Variants in SBF2 observed in about 807,000 individuals in gnomAD.
The protein encoded by SBF2 is myotubularin-related protein 13.
SBF2 carries 112 observed loss-of-function variants against 225.2 expected under a neutral mutation model. The ratio of observed to expected loss-of-function variants is 0.50; its 90% CI spans 0.43 to 0.58. The LOEUF (loss-of-function observed/expected upper bound fraction) is 0.58. Ranked by LOEUF, SBF2 falls within the 20% of genes least tolerant of loss-of-function variation. The probability of loss-of-function intolerance (pLI) is 0.00; values close to 1 mark genes in which losing one functional copy is unlikely to be tolerated. For missense variants in SBF2, 1,996 were observed against 2,206.2 expected, an observed-to-expected ratio of 0.90 and a Z score of 1.91; for synonymous variants, 763 against 773.3, an observed-to-expected ratio of 0.99 and a Z score of 0.22.
At chr11:10,255,174 T>C (rs565222328) in intron 1 of SBF2, among the ~76,000 whole-genome samples, 2 of 152,112 alleles carry the variant, frequency 1.3e-5, no homozygotes, top group East Asian at 1.9e-4. Context: ...TTGTATGTCA[T>C]GGGGACTATA....
chr11:10,279,891 C>T (rs761480736), intron 1 of SBF2, among the ~76,000 whole-genome samples: 4 of 152,154 alleles, frequency 2.6e-5, no homozygotes, highest in African/African-American at 7.2e-5. Flanking sequence ...CCTCATGATC[C>T]GCCCACCTCG....
chr11:9,858,571 G>T (rs1176394237), intron 17 of SBF2, among the ~76,000 whole-genome samples, 175 bp from the exon 18 acceptor site: 1 of 152,166 alleles, frequency 6.6e-6, no homozygotes, highest in East Asian at 1.9e-4. Context: ...GCAACTGTGG[G>T]CTTGCTGTTG....
chr11:9,868,617 A>AT (rs1473877977), intron 17 of SBF2, among the ~76,000 whole-genome samples: 2 of 152,226 alleles, frequency 1.3e-5, no homozygotes, highest in African/African-American at 4.8e-5. Flanking sequence ...TTAAGGTCAA[A>AT]TAAGGTCTAC....
At chr11:10,173,481 T>C (rs1341447355) in intron 2 of SBF2, among the ~76,000 whole-genome samples, 1 of 152,206 alleles carries the variant, frequency 6.6e-6, no homozygotes, top group East Asian at 1.9e-4. Flanking sequence ...ACCAGGAGAT[T>C]ATATCCCCCA....
chr11:10,013,557 GA>G (rs1948534088), intron 6 of SBF2, among the ~76,000 whole-genome samples: 1 of 152,210 alleles, frequency 6.6e-6, no homozygotes, highest in South Asian at 2.1e-4. Context: ...TTCTTTGGGG[GA>G]AAGGATTTGC....
chr11:10,074,341 T>C (rs556960417), intron 2 of SBF2, among the ~76,000 whole-genome samples: 6 of 152,240 alleles, frequency 3.9e-5, no homozygotes, highest in Admixed American at 3.9e-4. Flanking sequence ...ACCAAAAACA[T>C]AGATGTTGAA....
At chr11:9,983,410 A>G (rs1439463003) in intron 13 of SBF2, among the ~76,000 whole-genome samples, 1 of 152,118 alleles carries the variant, frequency 6.6e-6, no homozygotes, top group Non-Finnish European at 1.5e-5. Flanking sequence ...CATCCCCCAC[A>G]GCAGCTACAT....
At chr11:10,061,589 A>G (rs932657922) in intron 2 of SBF2, among the ~76,000 whole-genome samples, 3 of 152,208 alleles carry the variant, frequency 2.0e-5, no homozygotes, top group African/African-American at 4.8e-5. Context: ...CCCATTCACA[A>G]TTCCCACACA....
At chr11:9,795,714 T>C (rs1853081255) in intron 33 of SBF2, 117 bp downstream of exon 33, 1 of 1,274,928 alleles carries the variant, frequency 7.8e-7, no homozygotes, top group Non-Finnish European at 1.1e-6. Flanking sequence ...CATTCATAGT[T>C]CAGAGTTAAA....
chr11:10,231,072 G>A (rs571144834), intron 1 of SBF2, among the ~76,000 whole-genome samples: 41 of 151,744 alleles, frequency 2.7e-4, no homozygotes, highest in African/African-American at 9.9e-4. Context: ...ATCTTCCATC[G>A]CTGATACCCT....
chr11:10,163,205 G>T lies in SBF2; in HGVS notation c.141+30697C>A, dbSNP rs577843921. Among the ~76,000 whole-genome samples, 6 of 152,094 alleles carry T rather than the reference G, an allele frequency of 3.9e-5. No homozygotes were observed. The South Asian group carries it at 1.2e-3, about 32-fold the overall frequency. On this transcript the variant is annotated intron_variant, in intron 2 of 39. Transcript: ENST00000256190. ...AGTGGGCAATAAACATTTTCAATAT[G>T]GTTCTTTAAAATTCAAAAAGAATTG...
intron 25 of SBF2, among the ~76,000 whole-genome samples, chr11:9,840,484 AAC>A (rs1375844924): frequency 1.3e-5 from 2 of 152,224 alleles, no homozygotes; most frequent in Admixed American, 6.5e-5. Context: ...AATTTCTAAA[AAC>A]AATATAATTT....
At chr11:9,903,785 G>A (rs945802559) in intron 16 of SBF2, among the ~76,000 whole-genome samples, 1 of 152,172 alleles carries the variant, frequency 6.6e-6, no homozygotes, top group African/African-American at 2.4e-5. Context: ...AGCATGCGCA[G>A]TGTGTTTAGG....
intron 17 of SBF2, among the ~76,000 whole-genome samples, chr11:9,888,328 C>T (rs1002968576): frequency 6.6e-6 from 1 of 151,908 alleles, no homozygotes; most frequent in Non-Finnish European, 1.5e-5. Context: ...GAGATGTCAT[C>T]TCTACAAAAG....
At chr11:10,129,836 C>G (rs1328370521) in intron 2 of SBF2, among the ~76,000 whole-genome samples, 2 of 151,898 alleles carry the variant, frequency 1.3e-5, no homozygotes, top group East Asian at 1.9e-4. Flanking sequence ...AGACCCCCAT[C>G]TCTAAACAAA....
intron 1 of SBF2, among the ~76,000 whole-genome samples, chr11:10,203,381 T>C (rs1426264903): frequency 2.0e-5 from 3 of 152,354 alleles, no homozygotes; most frequent in African/African-American, 7.2e-5. Flanking sequence ...AGGGTATTAT[T>C]GCCTCAGTGT....
At chr11:9,999,106 G>T (rs1234412873) in intron 8 of SBF2, among the ~76,000 whole-genome samples, 1 of 152,132 alleles carries the variant, frequency 6.6e-6, no homozygotes, top group African/African-American at 2.4e-5. Flanking sequence ...ACATAAAAGT[G>T]TAAGAGAAAA....
chr11:10,009,876 T>C (rs1328821692), intron 6 of SBF2, among the ~76,000 whole-genome samples: 1 of 151,930 alleles, frequency 6.6e-6, no homozygotes, highest in Non-Finnish European at 1.5e-5. Context: ...CCAACAAGAG[T>C]GTAAAAGAAT....
chr11:9,874,967 A>G (rs1859096925), intron 17 of SBF2, among the ~76,000 whole-genome samples: 1 of 152,242 alleles, frequency 6.6e-6, no homozygotes, highest in South Asian at 2.1e-4. Context: ...AGCTGATTAT[A>G]AGAACATTTA....
Sources: allele counts gnomAD v4.1 joint callset (sites outside exome capture counted in the v4.1 genomes callset), GRCh38; gene constraint gnomAD v4.1.1; transcripts MANE v1.5; gene names NCBI Gene and HGNC (gene_info 2026-07-23, HGNC 2026-07-21).